Variants in AK3 observed in about 807,000 individuals in gnomAD.
AK3 encodes the protein GTP:AMP phosphotransferase AK3, mitochondrial.
In AK3, 27 loss-of-function variants were observed where a neutral mutation model predicts 23.7. The observed-to-expected ratio is 1.14, with a 90% CI of 0.84 to 1.57. The LOEUF (loss-of-function observed/expected upper bound fraction) is 1.57. AK3 is among the 40% of genes most tolerant of loss of function. The pLI is 0.00. For missense variants in AK3, 406 were observed against 285.6 expected (o/e 1.42, Z -3.04); for synonymous variants, 159 against 116.0 (o/e 1.37, Z -2.38).
chr9:4,732,709 A>T (rs1274365894), intron 1 of AK3, among the ~76,000 whole-genome samples: 2 of 152,182 alleles, frequency 1.3e-5, no homozygotes, highest in Non-Finnish European at 2.9e-5. Flanking sequence ...ATATTACATA[A>T]AAAGCCATTT....
At chr9:4,722,827 C>A (rs35843737) in intron 1 of AK3, among the ~76,000 whole-genome samples, 7,891 of 152,098 alleles carry the variant, frequency 0.052, 661 homozygotes, top group African/African-American at 0.18. Context: ...GAGGCCCAGG[C>A]GGGTAGATCA....
intron 4 of AK3, among the ~76,000 whole-genome samples, chr9:4,716,923 C>A (rs1841752112): frequency 6.6e-6 from 1 of 152,022 alleles, no homozygotes; most frequent in Non-Finnish European, 1.5e-5. Flanking sequence ...AGAGTGAGAC[C>A]CTGTCTCTAA....
At chr9:4,738,373 C>T (rs931666746) in intron 1 of AK3, among the ~76,000 whole-genome samples, 1 of 152,116 alleles carries the variant, frequency 6.6e-6, no homozygotes, top group African/African-American at 2.4e-5. Context: ...GCCATGTTGG[C>T]CAGGCTGGTC....
At chr9:4,737,809 TAC>T (rs947668798) in intron 1 of AK3, among the ~76,000 whole-genome samples, 20 of 152,246 alleles carry the variant, frequency 1.3e-4, no homozygotes, top group Non-Finnish European at 2.2e-4. Flanking sequence ...AGTGATGACC[TAC>T]AGTTATTCCA....
chr9:4,733,430 G>A (rs970220691), intron 1 of AK3, among the ~76,000 whole-genome samples: 3 of 152,174 alleles, frequency 2.0e-5, no homozygotes, highest in Non-Finnish European at 4.4e-5. Context: ...GAACGGGAGG[G>A]CCCCCAAAGT....
At chr9:4,731,878 G>A (rs973834281) in intron 1 of AK3, among the ~76,000 whole-genome samples, 3 of 152,126 alleles carry the variant, frequency 2.0e-5, no homozygotes, top group African/African-American at 7.2e-5. Flanking sequence ...TACTTGACAT[G>A]AAGACAATGG....
At chr9:4,737,125 C>T (rs1842314353) in intron 1 of AK3, among the ~76,000 whole-genome samples, 2 of 149,974 alleles carry the variant, frequency 1.3e-5, no homozygotes, top group South Asian at 4.2e-4. Flanking sequence ...TATAGTTTTT[C>T]TTTACTATAT....
At position 4,714,719 on chromosome 9, in the gene AK3, A is replaced by G. The variant is rs1404108769; in HGVS notation, c.564-1623T>C. On this transcript the variant is annotated intron_variant, in intron 4 of 4. Transcript: ENST00000381809. ...AACCAGCTTCAACAATTGGTCCTCCAAAGAGTAAGGGCATCATGTTGTTTG... is the reference window on the plus strand; with the variant it reads ...AACCAGCTTCAACAATTGGTCCTCCGAAGAGTAAGGGCATCATGTTGTTTG... 2.0e-5 allele frequency among the ~76,000 whole-genome samples: 3 copies of G among 152,358 alleles called. No individual in the cohort carries two copies. The East Asian group carries it at 5.8e-4, about 29-fold the overall frequency.
chr9:4,737,100 T>C (rs1842312671), intron 1 of AK3, among the ~76,000 whole-genome samples: 1 of 152,054 alleles, frequency 6.6e-6, no homozygotes, highest in African/African-American at 2.4e-5. Flanking sequence ...TTTTTTACTA[T>C]ATAGTTCTTT....
intron 1 of AK3, among the ~76,000 whole-genome samples, chr9:4,740,545 G>A (rs10815063): frequency 0.52 from 78,862 of 152,090 alleles, 20,980 homozygotes; most frequent in Middle Eastern, 0.69. Flanking sequence ...AGAACGAGCA[G>A]ACTCTAGCAG....
chr9:4,720,040 G>T (rs573894375), intron 2 of AK3, among the ~76,000 whole-genome samples: 1 of 152,152 alleles, frequency 6.6e-6, no homozygotes, highest in Admixed American at 6.5e-5. Flanking sequence ...ACTCCAGCCT[G>T]GGTGACAGAG....
At chr9:4,724,974 T>C (rs1349131367) in intron 1 of AK3, among the ~76,000 whole-genome samples, 3 of 150,580 alleles carry the variant, frequency 2.0e-5, no homozygotes, top group Non-Finnish European at 3.0e-5. Flanking sequence ...AAAAATTAAC[T>C]CAATATAGGT....
At chr9:4,729,672 T>C (rs1842109392) in intron 1 of AK3, among the ~76,000 whole-genome samples, 1 of 150,968 alleles carries the variant, frequency 6.6e-6, no homozygotes, top group African/African-American at 2.4e-5. Context: ...TACATCTAAA[T>C]AAAAAAAATA....
intron 2 of AK3, 45 bp downstream of exon 2, chr9:4,722,456 CCAGCA>C: frequency 6.2e-7 from 1 of 1,612,904 alleles, no homozygotes; most frequent in Non-Finnish European, 8.5e-7. Flanking sequence ...CATTCTCCTG[CCAGCA>C]CTGATTATTT....
rs71326127 is a variant in AK3, at chr9:4,729,015, A to ATATATATATATATAT, written c.152-6391_152-6390insATATATATATATATA. ...CACACACACATATATATATATATAT[A>ATATATATATATATAT]TTTTTTTTTTTTGAGACGGAATTTT... is the stretch of plus-strand genomic sequence containing the variant. On this transcript the variant is annotated intron_variant, in intron 1 of 4. Coordinates refer to ENST00000381809, the MANE Select transcript of AK3 (RefSeq NM_016282.4). 1.5e-4 allele frequency among the ~76,000 whole-genome samples: 19 copies of ATATATATATATATAT among 129,410 alleles called. No individual in the cohort carries two copies. The East Asian group carries it at 1.9e-3, about 13-fold the overall frequency. 84.9% of individuals were successfully genotyped at this position (129,410 alleles called of 152,430 possible). A position where few individuals can be genotyped will look rare whatever the true frequency, so the allele number is the denominator to read the frequency against.
chr9:4,739,240 G>C (rs1304092476), intron 1 of AK3, among the ~76,000 whole-genome samples: 1 of 151,666 alleles, frequency 6.6e-6, no homozygotes, highest in African/African-American at 2.4e-5. Context: ...GCTCAGGCTG[G>C]AGTGCAGCGT....
chr9:4,717,070 C>T (rs1457303115), intron 4 of AK3, among the ~76,000 whole-genome samples: 1 of 152,126 alleles, frequency 6.6e-6, no homozygotes, highest in Non-Finnish European at 1.5e-5. Flanking sequence ...AAGAGTTACC[C>T]ATATTAATCT....
rs1430661164 is a variant in AK3 at position 4,729,010 on chromosome 9, TA to T, written c.152-6386del. Among the ~76,000 whole-genome samples the T allele has an allele frequency of 5.2e-3, 568 of 108,694 alleles. 14 individuals are homozygous for T. The highest frequency in any genetic ancestry group is 0.019 in the African/African-American group (550 of 28,898). 71.3% of individuals were successfully genotyped at this position (108,694 alleles called of 152,430 possible). Reference sequence around the variant, plus strand: ...ATACACACACACACATATATATATATATATATTTTTTTTTTTTGAGACGGAA... The same window carrying T: ...ATACACACACACACATATATATATATTATATTTTTTTTTTTTGAGACGGAA... On this transcript the variant is annotated intron_variant, in intron 1 of 4. Transcript: ENST00000381809.
chr9:4,721,931 C>T (rs903891810), intron 2 of AK3, among the ~76,000 whole-genome samples: 4 of 152,224 alleles, frequency 2.6e-5, no homozygotes, highest in African/African-American at 9.6e-5. Context: ...AAGGGCAACA[C>T]TGAGTGCACG....
Sources: allele counts gnomAD v4.1 joint callset (sites outside exome capture counted in the v4.1 genomes callset), GRCh38; gene constraint gnomAD v4.1.1; transcripts MANE v1.5; gene names NCBI Gene and HGNC (gene_info 2026-07-23, HGNC 2026-07-21).